Variants in KIAA1217 observed in about 807,000 individuals in gnomAD.
KIAA1217 encodes sickle tail protein homolog.
KIAA1217 carries 88 observed loss-of-function variants against 163.9 expected under a neutral mutation model. The observed-to-expected ratio is 0.54, with a 90% CI of 0.45 to 0.64. KIAA1217 has a LOEUF of 0.64. KIAA1217 is among the 30% of genes least tolerant of loss of function. The pLI, the probability that KIAA1217 is intolerant of heterozygous loss-of-function variation, is 0.00. For synonymous variants in KIAA1217, 903 were observed against 923.1 expected, an observed-to-expected ratio of 0.98 and a Z score of 0.39; for missense variants, 2,372 against 2,475.0, an observed-to-expected ratio of 0.96 and a Z score of 0.88.
chr10:24,188,258 T>C (rs1024742044), intron 2 of KIAA1217, among the ~76,000 whole-genome samples: 1 of 152,192 alleles, frequency 6.6e-6, no homozygotes, highest in Non-Finnish European at 1.5e-5. Flanking sequence ...AATATGTTTA[T>C]TTGTAGTGTT....
At chr10:24,443,393 C>T (rs542617326) in intron 5 of KIAA1217, among the ~76,000 whole-genome samples, 1 of 152,314 alleles carries the variant, frequency 6.6e-6, no homozygotes, top group South Asian at 2.1e-4. Flanking sequence ...CATTATCTCT[C>T]TACTGAATCA....
intron 1 of KIAA1217, among the ~76,000 whole-genome samples, chr10:23,873,388 T>G (rs938748348): frequency 4.6e-5 from 7 of 152,064 alleles, no homozygotes; most frequent in Non-Finnish European, 8.8e-5. Context: ...GTGATTTATC[T>G]TAAAAATGAA....
chr10:24,108,949 A>G (rs1287141049), intron 2 of KIAA1217, among the ~76,000 whole-genome samples: 1 of 152,144 alleles, frequency 6.6e-6, no homozygotes, highest in African/African-American at 2.4e-5. Context: ...CTTCTGCCTC[A>G]GCCTCCCAAG....
intron 3 of KIAA1217, among the ~76,000 whole-genome samples, chr10:24,404,339 T>G (rs1189968194): frequency 6.6e-6 from 1 of 152,000 alleles, no homozygotes; most frequent in Admixed American, 6.6e-5. Flanking sequence ...GAGGCCAAGG[T>G]GGGCACATCA....
At chr10:23,953,051 G>T (rs1370889958) in intron 1 of KIAA1217, among the ~76,000 whole-genome samples, 1 of 152,156 alleles carries the variant, frequency 6.6e-6, no homozygotes, top group Non-Finnish European at 1.5e-5. Context: ...AGACAGTTGA[G>T]AACTTCTAGA....
intron 2 of KIAA1217, among the ~76,000 whole-genome samples, chr10:24,262,413 G>T (rs1190771728): frequency 6.6e-6 from 1 of 151,964 alleles, no homozygotes; most frequent in Non-Finnish European, 1.5e-5. Context: ...GGATCACAAG[G>T]TCAGGAGATA....
chr10:24,387,342 C>T (rs1486054377), intron 3 of KIAA1217, among the ~76,000 whole-genome samples: 2 of 152,152 alleles, frequency 1.3e-5, no homozygotes, highest in Non-Finnish European at 1.5e-5. Flanking sequence ...AGGCCTTCGA[C>T]AAGATTAAAC....
At chr10:23,801,929 A>G (rs957414651) in intron 1 of KIAA1217, among the ~76,000 whole-genome samples, 6 of 152,222 alleles carry the variant, frequency 3.9e-5, no homozygotes, top group Non-Finnish European at 8.8e-5. Context: ...ACATAAATAC[A>G]AAAATCTAGA....
intron 1 of KIAA1217, among the ~76,000 whole-genome samples, chr10:23,789,107 C>A (rs766728542): frequency 6.6e-6 from 1 of 152,128 alleles, no homozygotes; most frequent in African/African-American, 2.4e-5. Flanking sequence ...ATTTCCGTTT[C>A]TCTGATTGTG....
intron 1 of KIAA1217, among the ~76,000 whole-genome samples, chr10:23,919,726 A>G (rs1470257973): frequency 6.6e-6 from 1 of 152,064 alleles, no homozygotes; most frequent in African/African-American, 2.4e-5. Context: ...CTCTGGGAGC[A>G]GATGACAGTG....
chr10:24,090,264 T>C (rs1436100300), intron 2 of KIAA1217, among the ~76,000 whole-genome samples: 1 of 147,258 alleles, frequency 6.8e-6, no homozygotes, highest in Non-Finnish European at 1.5e-5. Context: ...ACTCCTGGTT[T>C]CACACAATCC....
chr10:24,235,289 C>A (rs866378161), intron 2 of KIAA1217, among the ~76,000 whole-genome samples: 1 of 152,160 alleles, frequency 6.6e-6, no homozygotes, highest in Non-Finnish European at 1.5e-5. Flanking sequence ...TGAAATTAAC[C>A]ATCCCCCTCT....
At chr10:23,851,802 A>T (rs1839347266) in intron 1 of KIAA1217, among the ~76,000 whole-genome samples, 1 of 152,134 alleles carries the variant, frequency 6.6e-6, no homozygotes. Context: ...TTGGCTGCAT[A>T]AATGTCTTCT....
At chr10:24,460,802 C>T (rs74861702) in intron 5 of KIAA1217, among the ~76,000 whole-genome samples, 52 of 152,124 alleles carry the variant, frequency 3.4e-4, no homozygotes, top group Admixed American at 3.2e-3. Flanking sequence ...TTCCTGTAGA[C>T]GGGCTAAGAC....
At chr10:24,412,456 C>A (rs1036520639) in intron 3 of KIAA1217, among the ~76,000 whole-genome samples, 1 of 152,204 alleles carries the variant, frequency 6.6e-6, no homozygotes, top group Non-Finnish European at 1.5e-5. Flanking sequence ...TCCATTGATG[C>A]CTTCAATCCC....
In KIAA1217 at chr10:23,722,115, C is replaced by T. The variant is rs554344244; in HGVS notation, c.-321+26881C>T. On this transcript the variant is annotated intron_variant, in intron 1 of 18. Coordinates refer to the KIAA1217 transcript ENST00000376462. Reference sequence around the variant, plus strand: ...CAGAAAGACAAATACTGTATGAATCCAATGATATGAGTTACTTAGAGTAGT... The same window carrying T: ...CAGAAAGACAAATACTGTATGAATCTAATGATATGAGTTACTTAGAGTAGT... 7.2e-5 allele frequency among the ~76,000 whole-genome samples: 11 copies of T among 152,140 alleles called. No homozygotes were observed. In the South Asian group the frequency reaches 1.5e-3, roughly 20 times the overall value.
intron 2 of KIAA1217, among the ~76,000 whole-genome samples, chr10:24,150,618 T>C (rs1219067220): frequency 6.6e-6 from 1 of 152,146 alleles, no homozygotes; most frequent in Non-Finnish European, 1.5e-5. Flanking sequence ...AGGACAGAAA[T>C]CAAAATAAAT....
intron 1 of KIAA1217, among the ~76,000 whole-genome samples, chr10:23,943,306 G>A (rs941189632): frequency 9.2e-5 from 14 of 151,914 alleles, no homozygotes. Context: ...CAAGGCCTTG[G>A]GATTCAAGAG....
chr10:23,930,100 T>C (rs1030551589), intron 1 of KIAA1217, among the ~76,000 whole-genome samples: 3 of 152,152 alleles, frequency 2.0e-5, no homozygotes, highest in African/African-American at 7.2e-5. Flanking sequence ...TGAGATGATA[T>C]CTCATTGTGG....
Sources: gnomAD v4.1 joint callset for allele counts (sites outside exome capture counted in the v4.1 genomes callset) on GRCh38, gnomAD v4.1.1 for gene constraint, MANE v1.5 for transcripts, NCBI Gene and HGNC (gene_info 2026-07-23, HGNC 2026-07-21) for gene names.